Variants in DLX2 observed in about 807,000 individuals in gnomAD.
DLX2 encodes homeobox protein DLX-2.
In DLX2, 8 loss-of-function variants were observed where a neutral mutation model predicts 27.4. The observed-to-expected ratio is 0.29, with a 90% CI of 0.17 to 0.53. The LOEUF (loss-of-function observed/expected upper bound fraction) is 0.53. Among genes scored for constraint, DLX2 ranks in the 20% least tolerant of loss-of-function variants. The probability of loss-of-function intolerance (pLI) is 0.96; values close to 1 mark genes in which losing one functional copy is unlikely to be tolerated. For synonymous variants in DLX2, 210 were observed against 200.8 expected (o/e 1.05, Z -0.39); for missense variants, 421 against 450.9 (o/e 0.93, Z 0.60).
At chr2:172,102,069 C>T in intron 1 of DLX2, 70 bp downstream of exon 1, 1 of 1,544,494 alleles carries the variant, frequency 6.5e-7, no homozygotes, top group South Asian at 1.3e-5. Context: ...CCCCCCGCCC[C>T]AAACACGTTT....
chr2:172,102,519 C>T lies in DLX2; in HGVS notation c.20G>A (p.Ser7Asn), dbSNP rs753039823. Residue 7 changes from serine to asparagine, a missense_variant, in exon 1 of 3, where the codon AGT (serine) becomes AAT (asparagine). Transcript: ENST00000234198. ...GGTCGAGTGCATATCAGCCACTAGACTGTCAAAGACTCCAGTCATCCTGGC... is the reference window on the plus strand; with the variant it reads ...GGTCGAGTGCATATCAGCCACTAGATTGTCAAAGACTCCAGTCATCCTGGC... MTGVFDSLVADMHSTQI... is the reference protein window; with the variant it reads MTGVFDNLVADMHSTQI... 6.5e-7 allele frequency: 1 copy of T among 1,542,398 alleles called. No homozygotes were observed. Among genetic ancestry groups the T allele is most frequent in the South Asian group, 1.2e-5 (1 of 82,996 alleles).
At chr2:172,101,368 A>C (rs1691154623) in intron 2 of DLX2, 94 bp downstream of exon 2, 2 of 1,328,772 alleles carry the variant, frequency 1.5e-6, no homozygotes, top group Non-Finnish European at 2.0e-6. Flanking sequence ...AAAAGTACTT[A>C]AAATGAACTT....
intron 2 of DLX2, 111 bp from the exon 3 acceptor site, chr2:172,101,055 G>T: frequency 1.7e-6 from 2 of 1,210,890 alleles, no homozygotes; most frequent in Non-Finnish European, 2.4e-6. Flanking sequence ...GCGGTGGGCA[G>T]CGAGCGCCCT....
chr2:172,101,259 G>A (rs1466266691), intron 2 of DLX2: 3 of 648,754 alleles, frequency 4.6e-6, no homozygotes, highest in African/African-American at 1.8e-5. Flanking sequence ...TGTCCACCCG[G>A]TCCCTTTCCT....
intron 2 of DLX2, 85 bp from the exon 3 acceptor site, chr2:172,101,029 G>C: frequency 6.8e-7 from 1 of 1,465,320 alleles, no homozygotes; most frequent in Non-Finnish European, 9.3e-7. Context: ...AGAAGGCAGA[G>C]AAAAACCGCT....
chr2:172,100,390 G>A lies in DLX2; in HGVS notation c.*153C>T. 1 of 800,854 alleles carries A rather than the reference G, an allele frequency of 1.2e-6. No individual in the cohort carries two copies. The highest frequency in any genetic ancestry group is 3.9e-5 in the Admixed American group (1 of 25,638). The allele number at this position is 800,854 out of a possible 1,614,324, so 49.6% of individuals were successfully genotyped here. On this transcript the variant is annotated 3_prime_UTR_variant, in exon 3 of 3. Coordinates refer to ENST00000234198, the MANE Select transcript of DLX2 (RefSeq NM_004405.4). The surrounding 1 kb of genome is among the most constrained non-coding windows in gnomAD (Gnocchi z 4.5). ...GAGAGGGGCCCGTTTGGTGGCCCCG[G>A]GAGTGAGCAGGGCCTGAGACGGGCC...
chr2:172,100,714 C>T lies in DLX2; in HGVS notation c.816G>A (p.Ala272=), dbSNP rs1691136888. The T allele has an allele frequency of 9.8e-6, 15 of 1,527,796 alleles. No individual in the cohort carries two copies. The East Asian group carries it at 3.1e-4, about 32-fold the overall frequency. The allele number at this position is 1,527,796 out of a possible 1,614,324, so 94.6% of individuals were successfully genotyped here. A position where few individuals can be genotyped will look rare whatever the true frequency, so the allele number is the denominator to read the frequency against. The change falls in exon 3 of 3, where the codon GCG becomes GCA. Residue 272 remains alanine, a synonymous_variant. Coordinates refer to ENST00000234198, the MANE Select transcript of DLX2 (RefSeq NM_004405.4). This position sits in a 1 kb window ranked among gnomAD's most constrained non-coding sequence, Gnocchi z 4.5. ...AGSSGSSPSS[A]ASAFLGNYPW... is the part of the protein sequence containing the mutation. ...GGTAGTTGCCCAGAAAAGCCGAGGC[C>T]GCGCTGCTCGGGCTGGAGCCCGAGC...
rs763318600 is a variant in DLX2 at position 172,101,443 on chromosome 2, T to G, written c.585+19A>C. 17 of 1,583,758 alleles carry G rather than the reference T, an allele frequency of 1.1e-5. No individual in the cohort carries two copies. In the African/African-American group the frequency reaches 2.2e-4, roughly 20 times the overall value. On this transcript the variant is annotated intron_variant, in intron 2 of 2. Transcript: ENST00000234198. ...CTCAGGCCCGCGCTCTCCTCGCCCC[T>G]GCAGGGCGCGAGCCCCACCTGAGTC... is the stretch of plus-strand genomic sequence containing the variant.
At position 172,101,487 on chromosome 2, in the gene DLX2, G is replaced by GC; in HGVS notation, c.559dup (p.Ala187GlyfsTer29). ...CTGAGTCTGGGTGAGGCCCAGAGAG[G>GC]CCGCCAGCTCGGCTCGCTCCGGCAA... On this transcript the variant is annotated frameshift_variant, in exon 2 of 3. Transcript: ENST00000234198. LOFTEE classifies it high-confidence loss of function. 6.2e-7 allele frequency: 1 copy of GC among 1,609,010 alleles called. No individual in the cohort carries two copies. The highest frequency in any genetic ancestry group is 8.5e-7 in the Non-Finnish European group (1 of 1,177,288).
At position 172,101,161 on chromosome 2, in the gene DLX2, A is replaced by G; in HGVS notation, c.586-217T>C. 4.8e-6 allele frequency: 3 copies of G among 624,112 alleles called. No homozygotes were observed. In the South Asian group the frequency reaches 6.1e-5, roughly 13 times the overall value. 38.7% of individuals were successfully genotyped at this position (624,112 alleles called of 1,614,324 possible). On this transcript the variant is annotated intron_variant, in intron 2 of 2. Transcript: ENST00000234198. ...GCCAAAAGGCCAGGACTGCTGGTGT[A>G]CGTGCACTGTGATGATGGTGACAGC...
At position 172,099,895 on chromosome 2, in the gene DLX2, C is replaced by G. The variant is rs1364806449; in HGVS notation, c.*648G>C. 6.6e-6 allele frequency: 1 copy of G among 152,394 alleles called. No individual in the cohort carries two copies. The highest frequency in any genetic ancestry group is 1.9e-4 in the East Asian group (1 of 5,182). 9.4% of individuals were successfully genotyped at this position (152,394 alleles called of 1,614,324 possible). On this transcript the variant is annotated 3_prime_UTR_variant, in exon 3 of 3. Coordinates refer to ENST00000234198, the MANE Select transcript of DLX2 (RefSeq NM_004405.4). ...GAGGTCATCCGCAAAGGCACCTAAA[C>G]TTTTAAAAAAATAACAAATAAAAAA...
chr2:172,102,159 G>T lies in DLX2; in HGVS notation c.380C>A (p.Ser127Tyr). Residue 127 changes from serine (S) to tyrosine (Y), a missense_variant, in exon 1 of 3, where the codon TCC (serine) becomes TAC (tyrosine). Physicochemically the swap from Ser to Tyr is moderately radical, Grantham distance 144. Around this residue, in one of 5 missense-constraint regions of DLX2, gnomAD observed 141 missense variants for 123.5 expected, o/e 1.14. Coordinates refer to ENST00000234198, the MANE Select transcript of DLX2 (RefSeq NM_004405.4). ...CATACCAGGCTCGTTGTTGGCTGGGGACGAACTGGTTCCATAGGGAGCGTA... is the reference window on the plus strand; with the variant it reads ...CATACCAGGCTCGTTGTTGGCTGGGTACGAACTGGTTCCATAGGGAGCGTA... ...TSYAPYGTSS[S>Y]PANNEPEKED... 6.2e-7 allele frequency: 1 copy of T among 1,613,872 alleles called. No individual in the cohort carries two copies. The highest frequency in any genetic ancestry group is 8.5e-7 in the Non-Finnish European group (1 of 1,179,854).
chr2:172,101,456 C>A lies in DLX2; in HGVS notation c.585+6G>T. 6.3e-7 allele frequency: 1 copy of A among 1,594,934 alleles called. No homozygotes were observed. Among genetic ancestry groups the A allele is most frequent in the Non-Finnish European group, 8.5e-7 (1 of 1,170,362 alleles). ...TCTCCTCGCCCCTGCAGGGCGCGAG[C>A]CCCACCTGAGTCTGGGTGAGGCCCA... On this transcript the variant is annotated splice_donor_region_variant and intron_variant, in intron 2 of 2. Coordinates refer to ENST00000234198, the MANE Select transcript of DLX2 (RefSeq NM_004405.4).
rs775343774 is a variant in DLX2 at position 172,100,584 on chromosome 2, C to A, written c.946G>T (p.Gly316Cys). ...GCGCTCACCGGGGCGCCCCCGCCGC[C>A]GTGATGGTGGTGGTGGTGATGCGGC... Reference protein sequence around the residue: ...PQPHHHHHHHGGGGAPVSAGT... With the variant: ...PQPHHHHHHHCGGGAPVSAGT... Residue 316 changes from glycine (G) to cysteine (C), a missense_variant, in exon 3 of 3, where the codon GGC becomes TGC. By Grantham distance (159) the Gly-to-Cys change is radical. Transcript: ENST00000234198. This position sits in a 1 kb window ranked among gnomAD's most constrained non-coding sequence, Gnocchi z 4.5. 2.5e-6 allele frequency: 4 copies of A among 1,579,050 alleles called. No individual in the cohort carries two copies. The Admixed American group carries it at 5.5e-5, about 22-fold the overall frequency.
chr2:172,101,071 G>A (rs1691147338), intron 2 of DLX2, 127 bp from the exon 3 acceptor site: 5 of 1,028,710 alleles, frequency 4.9e-6, no homozygotes, highest in African/African-American at 1.6e-5. Context: ...GCCCTGGGGA[G>A]ATAAGAGGAT....
At chr2:172,101,072 A>C in intron 2 of DLX2, 128 bp from the exon 3 acceptor site, 2 of 1,027,544 alleles carry the variant, frequency 1.9e-6, no homozygotes, top group East Asian at 5.0e-5. Flanking sequence ...CCCTGGGGAG[A>C]TAAGAGGATC....
intron 2 of DLX2, 140 bp downstream of exon 2, chr2:172,101,322 C>T (rs1378116474): frequency 1.0e-5 from 11 of 1,050,726 alleles, no homozygotes; most frequent in African/African-American, 1.6e-5. Flanking sequence ...TAGAAGCTTA[C>T]TTAGGGCCGC....
chr2:172,101,515 C>A lies in DLX2; in HGVS notation c.532G>T (p.Ala178Ser). ...GCCAGCTCGGCTCGCTCCGGCAAGG[C>A]CAAGTATTGAGTCTTTTGGAAACGC... ...QRRFQKTQYL[A>S]LPERAELAAS... Residue 178 changes from alanine to serine, a missense_variant, in exon 2 of 3, where the codon GCC becomes TCC. By Grantham distance (99) the Ala-to-Ser change is moderately conservative. This residue lies in a region of DLX2 where 36 missense variants were observed against 73.6 expected (regional missense o/e 0.49). Transcript: ENST00000234198. 1.2e-6 allele frequency: 2 copies of A among 1,613,454 alleles called. No individual in the cohort carries two copies. The highest frequency in any genetic ancestry group is 2.2e-5 in the South Asian group (2 of 91,056).
rs748076206 is a variant in DLX2 at position 172,100,855 on chromosome 2, G to T, written c.675C>A (p.Ser225Arg). The part of the protein sequence containing the change: ...EIPSEQHPGA[S>R]ASPPCASPPV... The stretch of plus-strand genomic sequence containing the variant: ...GCGGCGAAGCACAAGGTGGAGAAGC[G>T]CTGGCCCCAGGGTGCTGCTCCGAGG... The change falls in exon 3 of 3, where the codon AGC (serine) becomes AGA (arginine). Residue 225 changes from serine to arginine, a missense_variant. Ser to Arg is a moderately radical substitution (Grantham distance 110). Around this residue, in one of 5 missense-constraint regions of DLX2, gnomAD observed 185 missense variants for 171.1 expected, o/e 1.08. Transcript: ENST00000234198. This position sits in a 1 kb window ranked among gnomAD's most constrained non-coding sequence, Gnocchi z 4.5. 2 of 1,612,636 alleles carry T rather than the reference G, an allele frequency of 1.2e-6. No homozygotes were observed. Among genetic ancestry groups the T allele is most frequent in the South Asian group, 2.2e-5 (2 of 91,040 alleles).
Sources: gnomAD v4.1 joint callset for allele counts on GRCh38, gnomAD v4.1.1 for gene constraint, gnomAD v4.1.1 regional missense constraint, Gnocchi (gnomAD v3.1) non-coding constraint, MANE v1.5 for transcripts, NCBI Gene and HGNC (gene_info 2026-07-23, HGNC 2026-07-21) for gene names.